Variants in HECW1 observed in about 807,000 individuals in gnomAD.
HECW1 encodes the protein HECT, C2 and WW domain containing E3 ubiquitin protein ligase 1.
In HECW1, 61 loss-of-function variants were observed where a neutral mutation model predicts 182.3. That is an observed-to-expected ratio of 0.33 (90% CI 0.27 to 0.41). HECW1 has a LOEUF of 0.41. Ranked by LOEUF, HECW1 falls within the 10% of genes least tolerant of loss-of-function variation. The pLI, the probability that HECW1 is intolerant of heterozygous loss-of-function variation, is 1.00. For missense variants in HECW1, 1,739 were observed against 2,108.9 expected (o/e 0.82, Z 3.44); for synonymous variants, 859 against 832.6 (o/e 1.03, Z -0.55).
chr7:43,119,016 T>G (rs1472090548), intron 2 of HECW1: 1 of 152,264 alleles, frequency 6.6e-6, no homozygotes, highest in African/African-American at 2.4e-5. Context: ...AAGACATATT[T>G]TATTGTGACA....
In HECW1 at chr7:43,417,001, G is replaced by A. The variant is rs1434871811; in HGVS notation, c.801+9270G>A. On this transcript the variant is annotated intron_variant, in intron 8 of 29. Transcript: ENST00000395891. ...ATCACCCGTCTTCTGCGTCGCTCAC[G>A]CTGGGAGCTGTAGACCGGAGCTGTT... 2.6e-5 allele frequency among the ~76,000 whole-genome samples: 4 copies of A among 152,294 alleles called. No homozygotes were observed. The East Asian group carries it at 5.8e-4, about 22-fold the overall frequency.
intron 7 of HECW1, among the ~76,000 whole-genome samples, chr7:43,398,832 G>T (rs1181912945): frequency 6.6e-6 from 1 of 152,158 alleles, no homozygotes; most frequent in African/African-American, 2.4e-5. Flanking sequence ...GTGAGTAGGG[G>T]CCAGTTAGTC....
intron 17 of HECW1, among the ~76,000 whole-genome samples, chr7:43,490,648 G>A (rs1015874937): frequency 6.6e-6 from 1 of 152,170 alleles, no homozygotes; most frequent in Admixed American, 6.5e-5. Flanking sequence ...CCATTATCAT[G>A]CTCTAGAACT....
intron 26 of HECW1, 42 bp from the exon 27 acceptor site, chr7:43,550,403 G>A (rs1457508399): frequency 2.5e-6 from 4 of 1,611,278 alleles, no homozygotes; most frequent in Non-Finnish European, 3.4e-6. Flanking sequence ...TGAGAGATAA[G>A]CAGAACTGAC....
rs75278768 is a variant in HECW1 at position 43,217,072 on chromosome 7, C to A, written c.-31-26803C>A. Among the ~76,000 whole-genome samples, 592 of 152,260 alleles carry A rather than the reference C, an allele frequency of 3.9e-3. 26 individuals are homozygous for A. The East Asian group carries it at 0.1, about 27-fold the overall frequency. On this transcript the variant is annotated intron_variant, in intron 2 of 29. Transcript: ENST00000395891. ...CTTTCGGACACCATTTTAATAGCTC[C>A]TTCTCTGATCACACTCTCCTGTTTG...
chr7:43,514,301 C>CTTTTTTTT (rs59223768), intron 24 of HECW1, among the ~76,000 whole-genome samples: 2 of 140,496 alleles, frequency 1.4e-5, no homozygotes, highest in East Asian at 2.1e-4. Context: ...CTTTTCTTTT[C>CTTTTTTTT]TTTTTTTTTT....
chr7:43,473,160 C>A (rs536771070), intron 16 of HECW1, among the ~76,000 whole-genome samples: 36 of 152,334 alleles, frequency 2.4e-4, no homozygotes, highest in Admixed American at 2.4e-3. Flanking sequence ...CCTCTACCCC[C>A]ACTCTGTCTG....
rs1289574588 is a variant in HECW1 at position 43,444,317 on chromosome 7, C to G, written c.1145C>G (p.Ser382Cys). The G allele has an allele frequency of 1.2e-6, 2 of 1,614,212 alleles. No individual in the cohort carries two copies. The highest frequency in any genetic ancestry group is 1.1e-5 in the South Asian group (1 of 91,088). ...LMESGSGEPR[S>C]EAPESSESWK... ...GAAAGCGGCAGTGGGGAACCTCGGT[C>G]TGAGGCACCAGAGTCCTCTGAGAGC... Residue 382 changes from serine (S) to cysteine (C), a missense_variant, in exon 11 of 30, where the codon TCT becomes TGT. By Grantham distance (112) the Ser-to-Cys change is moderately radical. This residue lies in a region of HECW1 where 971 missense variants were observed against 1,029.1 expected (regional missense o/e 0.94). Transcript: ENST00000395891. This position sits in a 1 kb window ranked among gnomAD's most constrained non-coding sequence, Gnocchi z 4.3.
intron 6 of HECW1, among the ~76,000 whole-genome samples, chr7:43,379,610 C>T (rs1249493645): frequency 6.6e-6 from 1 of 152,148 alleles, no homozygotes; most frequent in Non-Finnish European, 1.5e-5. Context: ...CCACCTAATT[C>T]CAGCCTCGAG....
At chr7:43,135,979 CTT>C (rs34511113) in intron 2 of HECW1, among the ~76,000 whole-genome samples, 5 of 143,580 alleles carry the variant, frequency 3.5e-5, no homozygotes, top group Admixed American at 6.9e-5. Flanking sequence ...ACCATTTACA[CTT>C]TTTTTTTTTT....
intron 3 of HECW1, among the ~76,000 whole-genome samples, chr7:43,260,416 AG>A (rs1464608872): frequency 7.2e-5 from 11 of 152,246 alleles, no homozygotes; most frequent in African/African-American, 2.7e-4. Flanking sequence ...CAACACAGGG[AG>A]CAAGGAAAAG....
chr7:43,196,314 G>A (rs1162134884), intron 2 of HECW1, among the ~76,000 whole-genome samples: 1 of 152,136 alleles, frequency 6.6e-6, no homozygotes, highest in East Asian at 1.9e-4. Flanking sequence ...TATTTTGCAG[G>A]TATTTTAATA....
chr7:43,351,131 C>G (rs1050489111), intron 5 of HECW1, among the ~76,000 whole-genome samples: 1 of 152,192 alleles, frequency 6.6e-6, no homozygotes, highest in African/African-American at 2.4e-5. Context: ...TGATTGTTGT[C>G]TTTCTTCTGG....
chr7:43,426,076 C>T (rs2076355339), intron 8 of HECW1, among the ~76,000 whole-genome samples: 1 of 152,092 alleles, frequency 6.6e-6, no homozygotes, highest in Non-Finnish European at 1.5e-5. Context: ...TTCTTGCTAA[C>T]AAGCTGTCTG....
rs144135403 is a variant in HECW1, at chr7:43,156,208, T to C, written c.-32+41817T>C. Among the ~76,000 whole-genome samples, 440 of 152,340 alleles carry C rather than the reference T, an allele frequency of 2.9e-3. 4 individuals are homozygous for C. The highest frequency in any genetic ancestry group is 9.7e-3 in the African/African-American group (402 of 41,576). ...AGACTACCATATAAAGAAAAACTTA[T>C]TCTTTACAATACTTTAAGATTTTGG... is the stretch of plus-strand genomic sequence containing the variant. On this transcript the variant is annotated intron_variant, in intron 2 of 29. Transcript: ENST00000395891.
chr7:43,380,987 A>C (rs2074526750), intron 6 of HECW1, among the ~76,000 whole-genome samples: 1 of 152,232 alleles, frequency 6.6e-6, no homozygotes, highest in South Asian at 2.1e-4. Context: ...GTTGTTCCAC[A>C]TCCTTGCTAA....
At chr7:43,192,874 G>A (rs191737602) in intron 2 of HECW1, among the ~76,000 whole-genome samples, 7 of 152,290 alleles carry the variant, frequency 4.6e-5, no homozygotes, top group Non-Finnish European at 8.8e-5. Flanking sequence ...TTCAAGAGCC[G>A]GCTCACAGGG....
At chr7:43,299,130 G>A (rs1339024841) in intron 3 of HECW1, among the ~76,000 whole-genome samples, 2 of 152,224 alleles carry the variant, frequency 1.3e-5, no homozygotes, top group Admixed American at 6.5e-5. Flanking sequence ...CAGCTTACAA[G>A]TGAAAAATGT....
chr7:43,156,459 AT>A (rs753817496), intron 2 of HECW1, among the ~76,000 whole-genome samples: 15 of 152,236 alleles, frequency 9.9e-5, no homozygotes, highest in Non-Finnish European at 1.6e-4. Context: ...TAGAATTAAT[AT>A]GAATTTTGCC....
Sources: gnomAD v4.1 joint callset for allele counts (sites outside exome capture counted in the v4.1 genomes callset) on GRCh38, gnomAD v4.1.1 for gene constraint, gnomAD v4.1.1 regional missense constraint, Gnocchi (gnomAD v3.1) non-coding constraint, MANE v1.5 for transcripts, NCBI Gene and HGNC (gene_info 2026-07-23, HGNC 2026-07-21) for gene names.